The following FAM107B variants were observed in gnomAD, a reference collection of about 807,000 sequenced individuals.
The protein encoded by FAM107B is family with sequence similarity 107 member B, also known as protein FAM107B.
A neutral mutation model predicts 31.5 loss-of-function variants in FAM107B; 21 were observed. The observed-to-expected ratio is 0.67, with a 90% CI of 0.47 to 0.96. The LOEUF (loss-of-function observed/expected upper bound fraction) is 0.96, where lower values mean the gene tolerates loss of function less well. Ranked by LOEUF, FAM107B falls within the 40% of genes least tolerant of loss-of-function variation. FAM107B has a pLI of 0.00. For missense variants in FAM107B, 452 were observed against 377.1 expected (o/e 1.20, Z -1.64); for synonymous variants, 157 against 141.5 (o/e 1.11, Z -0.78).
At chr10:14,620,246 C>T (rs1211900762) in intron 2 of FAM107B, among the ~76,000 whole-genome samples, 3 of 151,850 alleles carry the variant, frequency 2.0e-5, no homozygotes, top group East Asian at 1.9e-4. Flanking sequence ...CTCGATGTCT[C>T]GACCTCGTGA....
At chr10:14,705,998 A>C (rs1467871837) in intron 1 of FAM107B, among the ~76,000 whole-genome samples, 3 of 152,190 alleles carry the variant, frequency 2.0e-5, no homozygotes, top group Non-Finnish European at 4.4e-5. Context: ...CTAAACTCCT[A>C]TACAATAGGA....
chr10:14,551,967 C>T (rs535070032), intron 2 of FAM107B, among the ~76,000 whole-genome samples: 34 of 152,260 alleles, frequency 2.2e-4, no homozygotes, highest in African/African-American at 7.7e-4. Flanking sequence ...TTTTGCCACA[C>T]ATTTAGCCTC....
At chr10:14,535,780 C>G (rs537425854) in intron 2 of FAM107B, among the ~76,000 whole-genome samples, 2 of 152,192 alleles carry the variant, frequency 1.3e-5, no homozygotes, top group Non-Finnish European at 2.9e-5. Context: ...GACAGACACA[C>G]TATGCACTGA....
intron 2 of FAM107B, among the ~76,000 whole-genome samples, chr10:14,583,693 C>T (rs976390141): frequency 1.3e-5 from 2 of 151,554 alleles, no homozygotes; most frequent in African/African-American, 4.9e-5. Context: ...TCCTTGCCAA[C>T]ACCTGCTGCT....
At chr10:14,707,246 G>A (rs193295425) in intron 1 of FAM107B, among the ~76,000 whole-genome samples, 10 of 152,290 alleles carry the variant, frequency 6.6e-5, no homozygotes, top group Non-Finnish European at 1.5e-4. Flanking sequence ...AGAAAATTGT[G>A]GAAAGATGAT....
intron 2 of FAM107B, among the ~76,000 whole-genome samples, chr10:14,544,449 T>G (rs1848519509): frequency 6.6e-6 from 1 of 152,210 alleles, no homozygotes; most frequent in Non-Finnish European, 1.5e-5. Flanking sequence ...ACGGATATTC[T>G]TCTTGCCTAC....
chr10:14,665,668 T>TA (rs1393296179), intron 2 of FAM107B, among the ~76,000 whole-genome samples: 1 of 152,166 alleles, frequency 6.6e-6, no homozygotes, highest in Non-Finnish European at 1.5e-5. Flanking sequence ...AAAGGTATGA[T>TA]ATGTAAGCTC....
At chr10:14,762,751 G>GTC (rs34771030) in intron 1 of FAM107B, among the ~76,000 whole-genome samples, 25 of 85,172 alleles carry the variant, frequency 2.9e-4, no homozygotes, top group East Asian at 1.8e-3. Context: ...GTGAAACTCT[G>GTC]TCTCACACAC....
At chr10:14,601,148 G>C (rs942148716) in intron 2 of FAM107B, among the ~76,000 whole-genome samples, 1 of 152,220 alleles carries the variant, frequency 6.6e-6, no homozygotes, top group Non-Finnish European at 1.5e-5. Flanking sequence ...GACGGGCACT[G>C]AATGTCTGGT....
chr10:14,552,109 C>A (rs941887623), intron 2 of FAM107B, among the ~76,000 whole-genome samples: 14 of 152,194 alleles, frequency 9.2e-5, no homozygotes, highest in Admixed American at 9.2e-4. Flanking sequence ...AAAGGACGGT[C>A]TGTGTGATCA....
intron 2 of FAM107B, among the ~76,000 whole-genome samples, chr10:14,643,263 C>A (rs1161635645): frequency 6.6e-6 from 1 of 151,912 alleles, no homozygotes; most frequent in African/African-American, 2.4e-5. Context: ...AGGCTTAAAA[C>A]CCAAGAAGAA....
chr10:14,570,772 AGCCTG>A (rs1401239111), intron 2 of FAM107B, among the ~76,000 whole-genome samples: 4 of 150,774 alleles, frequency 2.7e-5, no homozygotes, highest in Non-Finnish European at 4.4e-5. Context: ...ACTGCACTCC[AGCCTG>A]GATGACAGAG....
intron 1 of FAM107B, among the ~76,000 whole-genome samples, chr10:14,705,511 A>G (rs2688833): frequency 0.85 from 128,642 of 152,142 alleles, 54,598 homozygotes; most frequent in African/African-American, 0.87. Flanking sequence ...CTAGCCATAC[A>G]ATGGAATGTG....
chr10:14,581,470 G>C lies in FAM107B; in HGVS notation c.470-50955C>G, dbSNP rs188814068. ...AGAGTTCCAGGCCACCAAATGCAGT[G>C]GAAAAATTAACTGGCCTGAAAGACG... On this transcript the variant is annotated intron_variant, in intron 2 of 4. Coordinates refer to ENST00000181796, the MANE Select transcript of FAM107B (RefSeq NM_031453.4). 5.9e-5 allele frequency among the ~76,000 whole-genome samples: 9 copies of C among 152,332 alleles called. No homozygotes were observed. The East Asian group carries it at 1.7e-3, about 29-fold the overall frequency.
At chr10:14,567,021 C>T (rs776689585) in intron 2 of FAM107B, among the ~76,000 whole-genome samples, 1 of 152,146 alleles carries the variant, frequency 6.6e-6, no homozygotes, top group African/African-American at 2.4e-5. Context: ...GGCATGGTGG[C>T]GGACGCCTGT....
chr10:14,565,650 G>A (rs940927404), intron 2 of FAM107B, among the ~76,000 whole-genome samples: 3 of 152,182 alleles, frequency 2.0e-5, no homozygotes, highest in African/African-American at 7.2e-5. Context: ...GGCTGGATAC[G>A]TAGATATGAC....
At chr10:14,732,914 AT>A (rs1856207756) in intron 1 of FAM107B, among the ~76,000 whole-genome samples, 1 of 146,460 alleles carries the variant, frequency 6.8e-6, no homozygotes, top group South Asian at 2.1e-4. Context: ...TATTAATATT[AT>A]ATTAATATTA....
intron 1 of FAM107B, among the ~76,000 whole-genome samples, chr10:14,716,007 G>A (rs1354858952): frequency 6.6e-6 from 1 of 152,084 alleles, no homozygotes; most frequent in Non-Finnish European, 1.5e-5. Context: ...ATAGACATAG[G>A]AGTCTCCAGA....
chr10:14,686,370 C>T (rs1854987683), intron 1 of FAM107B, among the ~76,000 whole-genome samples: 1 of 143,960 alleles, frequency 6.9e-6, no homozygotes, highest in African/African-American at 2.6e-5. Flanking sequence ...GCCTAGGCGA[C>T]AGAGCAAGAC....
Sources: gnomAD v4.1 joint callset for allele counts (sites outside exome capture counted in the v4.1 genomes callset) on GRCh38, gnomAD v4.1.1 for gene constraint, MANE v1.5 for transcripts, NCBI Gene and HGNC (gene_info 2026-07-23, HGNC 2026-07-21) for gene names.